RPGRIP1L: variants seen among roughly 807,000 people sequenced by gnomAD.
The protein encoded by RPGRIP1L is protein fantom.
RPGRIP1L carries 131 observed loss-of-function variants against 160.4 expected under a neutral mutation model. The ratio of observed to expected loss-of-function variants is 0.82; its 90% CI spans 0.71 to 0.94. The LOEUF (loss-of-function observed/expected upper bound fraction) is 0.94. Among genes scored for constraint, RPGRIP1L ranks in the 40% least tolerant of loss-of-function variants. RPGRIP1L has a pLI of 0.00. For synonymous variants in RPGRIP1L, 510 were observed against 515.8 expected (o/e 0.99, Z 0.15); for missense variants, 1,522 against 1,535.8 (o/e 0.99, Z 0.15).
At position 53,638,417 on chromosome 16, in the gene RPGRIP1L, A is replaced by G; in HGVS notation, c.2959-6T>C. ...TCAGGAGGAGGAGAAGTCTCCTTAT[A>G]TTAATGTGAAAACACGCATGTATGT... On this transcript the variant is annotated splice_region_variant and splice_polypyrimidine_tract_variant and intron_variant, in intron 19 of 26. Transcript: ENST00000647211. 7.0e-7 allele frequency: 1 copy of G among 1,421,674 alleles called. No individual in the cohort carries two copies. Among genetic ancestry groups the G allele is most frequent in the Non-Finnish European group, 9.9e-7 (1 of 1,005,506 alleles). 88.1% of individuals were successfully genotyped at this position (1,421,674 alleles called of 1,614,324 possible). A position where few individuals can be genotyped will look rare whatever the true frequency, so the allele number is the denominator to read the frequency against.
At chr16:53,635,368 T>C (rs578061578) in intron 22 of RPGRIP1L, 1 of 152,266 alleles carries the variant, frequency 6.6e-6, no homozygotes, top group South Asian at 2.1e-4. Flanking sequence ...AATGTTCTAT[T>C]TGTATTTATC....
chr16:53,632,638 C>T (rs1199186811), intron 22 of RPGRIP1L, among the ~76,000 whole-genome samples: 1 of 152,150 alleles, frequency 6.6e-6, no homozygotes, highest in Non-Finnish European at 1.5e-5. Flanking sequence ...ATTATGCCTC[C>T]CTTTTCAGCC....
At chr16:53,668,222 A>G (rs1968439384) in intron 9 of RPGRIP1L, among the ~76,000 whole-genome samples, 1 of 152,152 alleles carries the variant, frequency 6.6e-6, no homozygotes, top group Non-Finnish European at 1.5e-5. Flanking sequence ...ATTTGATCAC[A>G]TGAGATTTTA....
At chr16:53,656,631 T>C in intron 13 of RPGRIP1L, 42 bp from the exon 14 acceptor site, 1 of 1,323,666 alleles carries the variant, frequency 7.6e-7, no homozygotes, top group Non-Finnish European at 1.1e-6. Flanking sequence ...TTATGATTAG[T>C]TCTATTTTCA....
rs76665976 is a variant in RPGRIP1L at position 53,692,002 on chromosome 16, G to T, written c.529+64C>A. 47,848 of 1,491,206 alleles carry T rather than the reference G, an allele frequency of 0.032. 1,164 individuals are homozygous for T. Among genetic ancestry groups the T allele is most frequent in the African/African-American group, 0.086 (6,206 of 72,256 alleles). The allele number at this position is 1,491,206 out of a possible 1,614,324, so 92.4% of individuals were successfully genotyped here. On this transcript the variant is annotated intron_variant, in intron 4 of 26. Coordinates refer to ENST00000647211, the MANE Select transcript of RPGRIP1L (RefSeq NM_015272.5). The stretch of plus-strand genomic sequence containing the variant: ...GCGTAATACAGAAGTAAAACTTTGT[G>T]TTTTTTTTGTGTTAAACAATCTAAT...
In RPGRIP1L at chr16:53,684,755, A is replaced by G. The variant is rs185721105; in HGVS notation, c.776+1678T>C. Reference sequence around the variant, plus strand: ...TTAAAGTATAATAATAATAAAATTAAAAAAAAAAAAGAAAACCTAGGTGAT... The same window carrying G: ...TTAAAGTATAATAATAATAAAATTAGAAAAAAAAAAGAAAACCTAGGTGAT... On this transcript the variant is annotated intron_variant, in intron 6 of 26. Transcript: ENST00000647211. Among the ~76,000 whole-genome samples the G allele has an allele frequency of 9.9e-4, 148 of 148,778 alleles. 2 individuals carry two copies. In the Middle Eastern group the frequency reaches 0.021, roughly 22 times the overall value.
Position 53,689,090 on chromosome 16 carries a change from T to TTA in RPGRIP1L, c.530-1127_530-1126dup, listed in dbSNP as rs200206940. Among the ~76,000 whole-genome samples, 1,208 of 148,888 alleles carry TTA rather than the reference T, an allele frequency of 8.1e-3. 8 individuals are homozygous for TTA. Among genetic ancestry groups the TTA allele is most frequent in the Middle Eastern group, 0.032 (9 of 280 alleles). On this transcript the variant is annotated intron_variant, in intron 4 of 26. Transcript: ENST00000647211. The stretch of plus-strand genomic sequence containing the variant: ...TATATATATATATGTTATATATATG[T>TTA]TATATATATATATAAAACCTTTTAA...
At chr16:53,687,325 C>CA (rs1970089120) in intron 5 of RPGRIP1L, among the ~76,000 whole-genome samples, 2 of 152,068 alleles carry the variant, frequency 1.3e-5, no homozygotes, top group Non-Finnish European at 2.9e-5. Context: ...ACACTGAAAC[C>CA]ATGAGGCTTG....
intron 2 of RPGRIP1L, among the ~76,000 whole-genome samples, chr16:53,699,450 C>G (rs1345928303): frequency 6.9e-6 from 1 of 145,056 alleles, no homozygotes; most frequent in African/African-American, 2.6e-5. Context: ...GGTCGATTTT[C>G]AACAATTCTC....
intron 15 of RPGRIP1L, among the ~76,000 whole-genome samples, chr16:53,651,405 T>G (rs1567838621): frequency 1.3e-5 from 2 of 152,208 alleles, no homozygotes; most frequent in African/African-American, 4.8e-5. Context: ...TGCTTCAGAC[T>G]ATTCTTTCCA....
chr16:53,607,597 T>C (rs770365998), intron 25 of RPGRIP1L, among the ~76,000 whole-genome samples: 3 of 152,102 alleles, frequency 2.0e-5, no homozygotes, highest in Non-Finnish European at 4.4e-5. Flanking sequence ...AATAATAATG[T>C]TAAGTGTTAT....
chr16:53,634,199 C>T (rs1465534535), intron 22 of RPGRIP1L, among the ~76,000 whole-genome samples: 1 of 152,104 alleles, frequency 6.6e-6, no homozygotes, highest in Non-Finnish European at 1.5e-5. Flanking sequence ...ATATCAAGCC[C>T]TTTCAAAAGG....
At position 53,696,770 on chromosome 16, in the gene RPGRIP1L, C is replaced by T. The variant is rs114713328; in HGVS notation, c.86-475G>A. On this transcript the variant is annotated intron_variant, in intron 2 of 26. Coordinates refer to ENST00000647211, the MANE Select transcript of RPGRIP1L (RefSeq NM_015272.5). Reference sequence around the variant, plus strand: ...AAAGTTGTAAGACCAAATCAAAAAACCCCTAAATTTAAAAATTTTCATTTA... The same window carrying T: ...AAAGTTGTAAGACCAAATCAAAAAATCCCTAAATTTAAAAATTTTCATTTA... Among the ~76,000 whole-genome samples the T allele has an allele frequency of 4.7e-3, 713 of 152,246 alleles. 5 individuals carry two copies. Among genetic ancestry groups the T allele is most frequent in the African/African-American group, 0.016 (666 of 41,534 alleles).
chr16:53,625,226 T>C (rs914211349), intron 22 of RPGRIP1L, among the ~76,000 whole-genome samples: 1 of 150,290 alleles, frequency 6.7e-6, no homozygotes, highest in Non-Finnish European at 1.5e-5. Context: ...TGGCCACCCA[T>C]TGTCTGGGAA....
intron 1 of RPGRIP1L, 91 bp downstream of exon 1, chr16:53,703,712 A>G: frequency 3.9e-6 from 1 of 254,342 alleles, no homozygotes; most frequent in South Asian, 4.7e-5. Context: ...CAGGCGGCAG[A>G]GCGGACCCTA....
At chr16:53,622,841 AC>A (rs1339241362) in intron 22 of RPGRIP1L, among the ~76,000 whole-genome samples, 2 of 149,592 alleles carry the variant, frequency 1.3e-5, no homozygotes. Flanking sequence ...ACACACACAC[AC>A]ACAAATAGCC....
intron 2 of RPGRIP1L, among the ~76,000 whole-genome samples, chr16:53,697,441 C>T (rs1022783343): frequency 3.9e-5 from 6 of 152,100 alleles, no homozygotes; most frequent in African/African-American, 7.2e-5. Flanking sequence ...GCTGCCATCT[C>T]GGCTCACTGC....
intron 22 of RPGRIP1L, among the ~76,000 whole-genome samples, chr16:53,623,364 G>A (rs1252393688): frequency 6.6e-6 from 1 of 152,134 alleles, no homozygotes; most frequent in East Asian, 1.9e-4. Flanking sequence ...ATAAATGAGT[G>A]GATCTACTCT....
chr16:53,663,326 C>T (rs534474115), intron 10 of RPGRIP1L, among the ~76,000 whole-genome samples: 2 of 151,896 alleles, frequency 1.3e-5, no homozygotes, highest in Non-Finnish European at 2.9e-5. Context: ...AACAAAAAAA[C>T]CAAGATTTTA....
Sources: gnomAD v4.1 joint callset for allele counts (sites outside exome capture counted in the v4.1 genomes callset) on GRCh38, gnomAD v4.1.1 for gene constraint, MANE v1.5 for transcripts, NCBI Gene and HGNC (gene_info 2026-07-23, HGNC 2026-07-21) for gene names.